Variants in CDH12 observed in about 807,000 individuals in gnomAD.
The protein encoded by CDH12 is cadherin 12, also known as cadherin-12.
Under a neutral mutation model 74.1 loss-of-function variants are expected in CDH12, and 41 were observed. That is an observed-to-expected ratio of 0.55 (90% CI 0.43 to 0.72). CDH12 has a LOEUF of 0.72. CDH12 is among the 30% of genes least tolerant of loss of function. CDH12 has a pLI of 0.00. For synonymous variants in CDH12, 399 were observed against 355.0 expected (o/e 1.12, Z -1.39); for missense variants, 945 against 977.2 (o/e 0.97, Z 0.44).
chr5:22,159,102 G>T (rs182088820), intron 4 of CDH12, among the ~76,000 whole-genome samples: 1 of 152,110 alleles, frequency 6.6e-6, no homozygotes, highest in East Asian at 1.9e-4. Flanking sequence ...TGAATTTTGA[G>T]GGAGAAAATA....
intron 1 of CDH12, among the ~76,000 whole-genome samples, chr5:22,808,868 A>T (rs1414726444): frequency 6.7e-6 from 1 of 149,558 alleles, no homozygotes; most frequent in Non-Finnish European, 1.5e-5. Context: ...CAGCCTCCTG[A>T]AGTGCTGGGA....
At chr5:22,755,258 A>G (rs1225216432) in intron 1 of CDH12, among the ~76,000 whole-genome samples, 2 of 152,190 alleles carry the variant, frequency 1.3e-5, no homozygotes, top group Non-Finnish European at 2.9e-5. Context: ...ATACTTATTC[A>G]TCTCATTGTC....
intron 5 of CDH12, among the ~76,000 whole-genome samples, chr5:22,057,041 C>G (rs1740792463): frequency 6.6e-6 from 1 of 152,128 alleles, no homozygotes; most frequent in Non-Finnish European, 1.5e-5. Context: ...CCTGTTGTGT[C>G]ACTTGTAATT....
chr5:21,941,164 T>A (rs1293001749), intron 6 of CDH12, among the ~76,000 whole-genome samples: 2 of 152,156 alleles, frequency 1.3e-5, no homozygotes, highest in Non-Finnish European at 2.9e-5. Flanking sequence ...ATTTGCAATA[T>A]CTTTCTAAGA....
At position 22,482,726 on chromosome 5, in the gene CDH12, C is replaced by T. The variant is rs1580694495; in HGVS notation, c.-428+22544G>A. On this transcript the variant is annotated intron_variant, in intron 2 of 14. Transcript: ENST00000382254. ...TTTTCTTGATTATGCCTCATATTCT[C>T]TGTTTTACTCACTATCGTATGTTAA... 3.9e-5 allele frequency among the ~76,000 whole-genome samples: 6 copies of T among 152,254 alleles called. 1 individual carries two copies. The South Asian group carries it at 1.2e-3, about 32-fold the overall frequency.
At chr5:22,457,671 C>T (rs977798543) in intron 2 of CDH12, among the ~76,000 whole-genome samples, 25 of 150,440 alleles carry the variant, frequency 1.7e-4, no homozygotes, top group Admixed American at 3.3e-4. Context: ...CTCCACCTCC[C>T]AAGTTCCAGC....
chr5:22,272,571 C>T (rs1167756653), intron 3 of CDH12, among the ~76,000 whole-genome samples: 1 of 152,158 alleles, frequency 6.6e-6, no homozygotes, highest in Non-Finnish European at 1.5e-5. Context: ...TAAGCTTAAC[C>T]ATTTCTAGCT....
intron 3 of CDH12, among the ~76,000 whole-genome samples, chr5:22,340,255 C>A (rs537381899): frequency 2.0e-5 from 3 of 152,028 alleles, no homozygotes; most frequent in Non-Finnish European, 4.4e-5. Flanking sequence ...GGCTGGGTGC[C>A]GTGGCTCACG....
intron 3 of CDH12, among the ~76,000 whole-genome samples, chr5:22,249,588 C>T (rs1046511286): frequency 1.3e-5 from 2 of 152,082 alleles, no homozygotes; most frequent in African/African-American, 4.8e-5. Context: ...GGCACAGTGC[C>T]GCAGCTACTT....
At chr5:21,825,336 T>C (rs1748611075) in intron 8 of CDH12, among the ~76,000 whole-genome samples, 1 of 152,212 alleles carries the variant, frequency 6.6e-6, no homozygotes, top group South Asian at 2.1e-4. Context: ...TTGTTATAGC[T>C]GTAAGCATTC....
intron 1 of CDH12, among the ~76,000 whole-genome samples, chr5:22,584,508 T>C (rs747202009): frequency 1.3e-5 from 2 of 152,232 alleles, no homozygotes; most frequent in African/African-American, 2.4e-5. Context: ...AATTTAACTA[T>C]GTATATTACT....
chr5:22,717,209 G>A (rs967330080), intron 1 of CDH12, among the ~76,000 whole-genome samples: 15 of 152,066 alleles, frequency 9.9e-5, no homozygotes, highest in African/African-American at 3.1e-4. Context: ...AGTACTGCAA[G>A]CTCCATTCAT....
chr5:21,970,556 T>C (rs1384093692), intron 6 of CDH12, among the ~76,000 whole-genome samples: 1 of 151,942 alleles, frequency 6.6e-6, no homozygotes, highest in African/African-American at 2.4e-5. Flanking sequence ...TAGTCTCTGG[T>C]TGGCTGGGCA....
intron 1 of CDH12, among the ~76,000 whole-genome samples, chr5:22,755,175 A>G (rs1234956372): frequency 2.0e-5 from 3 of 152,180 alleles, no homozygotes; most frequent in Non-Finnish European, 4.4e-5. Context: ...TTTATTCATT[A>G]CAAGTTTAAT....
At chr5:22,396,184 T>C (rs532513632) in intron 3 of CDH12, among the ~76,000 whole-genome samples, 3 of 152,218 alleles carry the variant, frequency 2.0e-5, no homozygotes, top group African/African-American at 7.2e-5. Context: ...AAGAACCATG[T>C]AAATATTATC....
At position 21,835,181 on chromosome 5, in the gene CDH12, G is replaced by C. The variant is rs1326250630; in HGVS notation, c.814+6980C>G. Among the ~76,000 whole-genome samples the C allele has an allele frequency of 2.0e-5, 3 of 151,862 alleles. No individual in the cohort carries two copies. In the East Asian group the frequency reaches 5.8e-4, roughly 29 times the overall value. On this transcript the variant is annotated intron_variant, in intron 8 of 14. Coordinates refer to ENST00000382254, the MANE Select transcript of CDH12 (RefSeq NM_004061.5). Reference sequence around the variant, plus strand: ...ACAATAACAAAGTCAGCAGTACATTGTGGGTAGCAGATTGCCTTCTCTGGA... The same window carrying C: ...ACAATAACAAAGTCAGCAGTACATTCTGGGTAGCAGATTGCCTTCTCTGGA...
chr5:22,443,408 A>C (rs1744699566), intron 2 of CDH12, among the ~76,000 whole-genome samples: 1 of 152,108 alleles, frequency 6.6e-6, no homozygotes, highest in African/African-American at 2.4e-5. Context: ...ACTATCATGA[A>C]ATTTAAAAGT....
intron 2 of CDH12, among the ~76,000 whole-genome samples, chr5:22,406,407 G>A (rs550414439): frequency 3.9e-5 from 6 of 152,134 alleles, no homozygotes; most frequent in African/African-American, 1.4e-4. Context: ...TGATATTAAA[G>A]GTAAACCAAT....
chr5:22,596,693 C>G (rs13169471), intron 1 of CDH12, among the ~76,000 whole-genome samples: 4,089 of 152,198 alleles, frequency 0.027, 80 homozygotes, highest in Non-Finnish European at 0.038. Context: ...TCTTAGCAAA[C>G]CTGGGATTCA....
Sources: allele counts gnomAD v4.1 joint callset (sites outside exome capture counted in the v4.1 genomes callset), GRCh38; gene constraint gnomAD v4.1.1; transcripts MANE v1.5; gene names NCBI Gene and HGNC (gene_info 2026-07-23, HGNC 2026-07-21).